Variants in MEI1 observed in about 807,000 individuals in gnomAD.
MEI1 encodes the protein meiotic double-stranded break formation protein 1, also known as meiosis inhibitor protein 1.
MEI1 carries 103 observed loss-of-function variants against 146.2 expected under a neutral mutation model. The observed-to-expected ratio is 0.70, with a 90% CI of 0.60 to 0.83. The LOEUF is 0.83. Ranked by LOEUF, MEI1 falls within the 40% of genes least tolerant of loss-of-function variation. The pLI, the probability that MEI1 is intolerant of heterozygous loss-of-function variation, is 0.00. For missense variants in MEI1, 1,529 were observed against 1,533.0 expected (o/e 1.00, Z 0.04); for synonymous variants, 652 against 628.2 (o/e 1.04, Z -0.57).
intron 7 of MEI1, among the ~76,000 whole-genome samples, chr22:41,725,241 A>C (rs979953473): frequency 4.0e-5 from 6 of 151,756 alleles, no homozygotes; most frequent in African/African-American, 1.5e-4. Flanking sequence ...CCTCCTGAGT[A>C]GTTGGGATTA....
intron 11 of MEI1, among the ~76,000 whole-genome samples, chr22:41,733,499 G>C (rs1348442959): frequency 6.6e-6 from 1 of 151,918 alleles, no homozygotes; most frequent in Non-Finnish European, 1.5e-5. Context: ...GCTTATCCCT[G>C]TAAACCCAGC....
chr22:41,702,688 G>C (rs961504754), intron 1 of MEI1, among the ~76,000 whole-genome samples: 2 of 151,370 alleles, frequency 1.3e-5, no homozygotes, highest in Non-Finnish European at 2.9e-5. Context: ...CAGGTGATCT[G>C]CCTGCTTCGG....
At chr22:41,758,801 T>G (rs903043198) in intron 18 of MEI1, among the ~76,000 whole-genome samples, 4 of 152,192 alleles carry the variant, frequency 2.6e-5, no homozygotes, top group Non-Finnish European at 5.9e-5. Flanking sequence ...AGAAAAAAAC[T>G]TCAGTAGGTT....
At chr22:41,771,386 A>G (rs1347317373) in intron 20 of MEI1, among the ~76,000 whole-genome samples, 1 of 152,152 alleles carries the variant, frequency 6.6e-6, no homozygotes, top group Non-Finnish European at 1.5e-5. Flanking sequence ...TTACATGATA[A>G]TATTATATGT....
At chr22:41,781,516 T>C in intron 23 of MEI1, 122 bp downstream of exon 23, 2 of 1,142,810 alleles carry the variant, frequency 1.8e-6, no homozygotes, top group Non-Finnish European at 1.3e-6. Context: ...CATAAGGTCC[T>C]TTCTGGCTCT....
intron 3 of MEI1, among the ~76,000 whole-genome samples, chr22:41,709,894 C>G (rs567318015): frequency 6.6e-6 from 1 of 152,206 alleles, no homozygotes; most frequent in South Asian, 2.1e-4. Flanking sequence ...TGGAAGCATT[C>G]TTTCCTTAGG....
At chr22:41,762,115 A>T (rs1240522095) in intron 18 of MEI1, among the ~76,000 whole-genome samples, 2 of 152,016 alleles carry the variant, frequency 1.3e-5, no homozygotes, top group African/African-American at 4.8e-5. Context: ...TATTTGTTTG[A>T]GTAGTGTTTT....
rs2073926920 is a variant in MEI1, at chr22:41,753,812, CCT to C, written c.1854-134_1854-133del. The C allele has an allele frequency of 5.9e-6, 4 of 675,492 alleles. No homozygotes were observed. In the East Asian group the frequency reaches 1.0e-4, roughly 18 times the overall value. 41.8% of individuals were successfully genotyped at this position (675,492 alleles called of 1,614,324 possible). On this transcript the variant is annotated intron_variant, in intron 16 of 30. Coordinates refer to ENST00000401548, the MANE Select transcript of MEI1 (RefSeq NM_152513.4). ...ACTTTTCATAGCCACCTTAAGACCTCCTCTGCCACGGCCATGGCTAGAATTTC... is the reference window on the plus strand; with the variant it reads ...ACTTTTCATAGCCACCTTAAGACCTCCTGCCACGGCCATGGCTAGAATTTC...
chr22:41,759,582 A>T (rs2074328892), intron 18 of MEI1: 1 of 150,866 alleles, frequency 6.6e-6, no homozygotes, highest in African/African-American at 2.5e-5. Flanking sequence ...GTGAGCCGAG[A>T]TCGTGCCACT....
At chr22:41,768,198 A>G (rs1444039939) in intron 19 of MEI1, among the ~76,000 whole-genome samples, 1 of 152,198 alleles carries the variant, frequency 6.6e-6, no homozygotes, top group Non-Finnish European at 1.5e-5. Flanking sequence ...CCTGGGCAAC[A>G]TGGTGAAACC....
chr22:41,717,215 C>T (rs969327929), intron 5 of MEI1, among the ~76,000 whole-genome samples: 21 of 151,968 alleles, frequency 1.4e-4, no homozygotes, highest in Non-Finnish European at 2.2e-4. Context: ...CGGGCTACAG[C>T]GCAGTGGCAT....
chr22:41,787,111 A>G (rs575531108), intron 26 of MEI1, among the ~76,000 whole-genome samples: 1 of 152,278 alleles, frequency 6.6e-6, no homozygotes, highest in African/African-American at 2.4e-5. Context: ...TATTCCCCCA[A>G]CCAGGCTGTG....
At chr22:41,721,672 C>T (rs2070820174) in intron 6 of MEI1, among the ~76,000 whole-genome samples, 1 of 150,660 alleles carries the variant, frequency 6.6e-6, no homozygotes, top group Admixed American at 6.6e-5. Context: ...GGATTACAGG[C>T]ATGAACCACC....
Position 41,712,813 on chromosome 22 carries a change from T to G in MEI1, c.350-1189T>G, listed in dbSNP as rs9611646. ...GGGTATTAGTTTTGTTTGTTTGTTT[T>G]TTTTTTTTTTTTAGAGATGGAGTCT... On this transcript the variant is annotated intron_variant, in intron 3 of 30. Coordinates refer to ENST00000401548, the MANE Select transcript of MEI1 (RefSeq NM_152513.4). 1.3e-3 allele frequency among the ~76,000 whole-genome samples: 188 copies of G among 144,366 alleles called. 1 individual carries two copies. The highest frequency in any genetic ancestry group is 3.5e-3 in the Middle Eastern group (1 of 286). 94.7% of individuals were successfully genotyped at this position (144,366 alleles called of 152,430 possible).
At chr22:41,715,587 G>C (rs972860665) in intron 4 of MEI1, among the ~76,000 whole-genome samples, 5 of 151,924 alleles carry the variant, frequency 3.3e-5, no homozygotes, top group African/African-American at 1.2e-4. Flanking sequence ...AGTAGAGACG[G>C]GGTTTCACTG....
At position 41,799,403 on chromosome 22, in the gene MEI1, C is replaced by A; in HGVS notation, c.*104C>A. On this transcript the variant is annotated 3_prime_UTR_variant, in exon 31 of 31. Transcript: ENST00000401548. ...GACAGCTGAAGCTATTCATATGGAGCCATATACTCTATTGTTGAAATAGAA... is the reference window on the plus strand; with the variant it reads ...GACAGCTGAAGCTATTCATATGGAGACATATACTCTATTGTTGAAATAGAA... The A allele has an allele frequency of 6.5e-6, 7 of 1,080,906 alleles. No individual in the cohort carries two copies. The highest frequency in any genetic ancestry group is 3.1e-5 in the African/African-American group (2 of 63,630). The allele number at this position is 1,080,906 out of a possible 1,614,324, so 67.0% of individuals were successfully genotyped here. A position where few individuals can be genotyped will look rare whatever the true frequency, so the allele number is the denominator to read the frequency against.
At chr22:41,712,612 GA>G (rs908674468) in intron 3 of MEI1, among the ~76,000 whole-genome samples, 1 of 150,216 alleles carries the variant, frequency 6.7e-6, no homozygotes, top group African/African-American at 2.5e-5. Flanking sequence ...TTTATATTTA[GA>G]AAAATATTTT....
intron 26 of MEI1, among the ~76,000 whole-genome samples, chr22:41,786,253 C>T (rs977383411): frequency 6.6e-6 from 1 of 152,014 alleles, no homozygotes; most frequent in African/African-American, 2.4e-5. Flanking sequence ...TGCTATATTT[C>T]CAGGCTGGTC....
chr22:41,714,827 G>T (rs1476105573), intron 4 of MEI1, among the ~76,000 whole-genome samples: 1 of 151,980 alleles, frequency 6.6e-6, no homozygotes, highest in Non-Finnish European at 1.5e-5. Context: ...TTTGCAGTGA[G>T]CTGAGATCGC....
Sources: allele counts gnomAD v4.1 joint callset (sites outside exome capture counted in the v4.1 genomes callset), GRCh38; gene constraint gnomAD v4.1.1; transcripts MANE v1.5; gene names NCBI Gene and HGNC (gene_info 2026-07-23, HGNC 2026-07-21).